ALAS2: variants seen among roughly 807,000 people sequenced by gnomAD.
The protein encoded by ALAS2 is 5-aminolevulinate synthase, erythroid-specific, mitochondrial.
Under a neutral mutation model 33.7 loss-of-function variants are expected in ALAS2, and 3 were observed. The ratio of observed to expected loss-of-function variants is 0.09; its 90% CI spans 0.04 to 0.23. The LOEUF is 0.23. Ranked by LOEUF, ALAS2 falls within the 10% of genes least tolerant of loss-of-function variation. The pLI is 1.00. For synonymous variants in ALAS2, 191 were observed against 177.3 expected, an observed-to-expected ratio of 1.08 and a Z score of -0.61; for missense variants, 304 against 475.1, an observed-to-expected ratio of 0.64 and a Z score of 3.35.
At position 55,024,858 on chromosome X, in the gene ALAS2, A is replaced by T. The variant is rs940558992; in HGVS notation, c.182-18T>A. ...TGGAGAATCTATGCAAAGGTAAGAGAGTAATTTGGGGTGCATTTCTAGTCA... is the reference window on the plus strand; with the variant it reads ...TGGAGAATCTATGCAAAGGTAAGAGTGTAATTTGGGGTGCATTTCTAGTCA... On this transcript the variant is annotated intron_variant, in intron 2 of 10. Transcript: ENST00000650242. The T allele has an allele frequency of 7.6e-5, 92 of 1,209,220 alleles. No homozygotes were observed. Among genetic ancestry groups the T allele is most frequent in the Non-Finnish European group, 9.8e-5 (88 of 894,693 alleles).
At chrX:55,025,483 AC>A (rs1231038687) in intron 2 of ALAS2, among the ~76,000 whole-genome samples, 2 of 110,565 alleles carry the variant, frequency 1.8e-5, no homozygotes, top group East Asian at 5.7e-4. Context: ...ACAGGCGCCC[AC>A]CACCACTCCT....
At chrX:55,024,214 T>C (rs1935853728) in intron 3 of ALAS2, among the ~76,000 whole-genome samples, 2 of 112,038 alleles carry the variant, frequency 1.8e-5, no homozygotes, top group South Asian at 7.5e-4. Flanking sequence ...AATTTCAATT[T>C]TGAAGTTTTT....
rs181285195 is a variant in ALAS2 at position 55,022,163 on chromosome X, G to A, written c.416-889C>T. Among the ~76,000 whole-genome samples the A allele has an allele frequency of 7.7e-4, 86 of 112,299 alleles. 1 individual carries two copies. Among genetic ancestry groups the A allele is most frequent in the Middle Eastern group, 4.6e-3 (1 of 219 alleles). ...TTGCCAAAGAGCTTGTTAAACTCTAGAACTCTTTACGTGAGACAGAAATCA... is the reference window on the plus strand; with the variant it reads ...TTGCCAAAGAGCTTGTTAAACTCTAAAACTCTTTACGTGAGACAGAAATCA... On this transcript the variant is annotated intron_variant, in intron 4 of 10. Coordinates refer to ENST00000650242, the MANE Select transcript of ALAS2 (RefSeq NM_000032.5).
intron 10 of ALAS2, 128 bp downstream of exon 10, chrX:55,013,358 G>A: frequency 1.4e-6 from 1 of 739,995 alleles, no homozygotes; most frequent in Non-Finnish European, 1.9e-6. Context: ...CCTAGTATAG[G>A]TGCTGGCACA....
At chrX:55,024,001 G>T (rs1935850302) in intron 3 of ALAS2, 134 bp from the exon 4 acceptor site, 4 of 520,602 alleles carry the variant, frequency 7.7e-6, no homozygotes, top group Non-Finnish European at 1.3e-5. Context: ...ACAGCGAGAA[G>T]AAATCTTCTC....
At chrX:55,012,100 A>G (rs17002406) in intron 10 of ALAS2, among the ~76,000 whole-genome samples, 6,121 of 111,687 alleles carry the variant, frequency 0.055, 364 homozygotes, top group African/African-American at 0.18. Flanking sequence ...TTTTGAATGA[A>G]TGAATGGCGC....
intron 5 of ALAS2, 60 bp from the exon 6 acceptor site, chrX:55,020,564 C>T: frequency 9.2e-7 from 1 of 1,083,282 alleles, no homozygotes; most frequent in South Asian, 2.0e-5. Context: ...CATCGAGGAA[C>T]TGGGTAGGTT....
chrX:55,013,602 G>A lies in ALAS2; in HGVS notation c.1484C>T (p.Ser495Phe). ...LNSKLCDLLL[S>F]KHGIYVQAIN... ...GGCCTGCACATAGATGCCATGCTTG[G>A]AGAGCAGGAGATCACAGAGCTTGCT... is the stretch of plus-strand genomic sequence containing the variant. Residue 495 changes from serine (S) to phenylalanine (F), a missense_variant, in exon 10 of 11, where the codon TCC becomes TTC. Transcript: ENST00000650242. 8.3e-7 allele frequency: 1 copy of A among 1,211,595 alleles called. No homozygotes were observed. The highest frequency in any genetic ancestry group is 1.1e-6 in the Non-Finnish European group (1 of 895,523).
intron 1 of ALAS2, chrX:55,027,833 T>C: frequency 8.4e-7 from 1 of 1,192,514 alleles, no homozygotes. Flanking sequence ...CCTGGGTTGG[T>C]ATGTGGGGCC....
At chrX:55,022,794 A>G (rs771979306) in intron 4 of ALAS2, among the ~76,000 whole-genome samples, 1 of 112,033 alleles carries the variant, frequency 8.9e-6, no homozygotes, top group African/African-American at 3.2e-5. Flanking sequence ...AATCTCTATT[A>G]TATCTATACT....
At chrX:55,029,362 C>T (rs1349102651) in intron 1 of ALAS2, among the ~76,000 whole-genome samples, 1 of 111,651 alleles carries the variant, frequency 9.0e-6, no homozygotes, top group Non-Finnish European at 1.9e-5. Context: ...TGTGCCAGGC[C>T]GTGTTCTCAT....
At chrX:55,017,807 T>G (rs950323373) in intron 6 of ALAS2, 142 bp from the exon 7 acceptor site, 3 of 622,640 alleles carry the variant, frequency 4.8e-6, no homozygotes, top group Non-Finnish European at 7.7e-6. Flanking sequence ...TGGGAACTTT[T>G]GTGACACTTC....
At chrX:55,029,228 A>G (rs931965476) in intron 1 of ALAS2, among the ~76,000 whole-genome samples, 3 of 111,439 alleles carry the variant, frequency 2.7e-5, no homozygotes, top group Admixed American at 9.5e-5. Context: ...TCCTGTTACA[A>G]TTTATTGTGT....
At chrX:55,028,946 C>G (rs1246023809) in intron 1 of ALAS2, among the ~76,000 whole-genome samples, 1 of 111,838 alleles carries the variant, frequency 8.9e-6, no homozygotes, top group African/African-American at 3.3e-5. Context: ...TGCTGTACAT[C>G]TTATATCTGG....
intron 6 of ALAS2, among the ~76,000 whole-genome samples, chrX:55,018,843 G>A (rs781638063): frequency 4.5e-5 from 5 of 111,066 alleles, no homozygotes; most frequent in Non-Finnish European, 9.4e-5. Flanking sequence ...ATAGATTATC[G>A]GAGGGCAAAG....
Position 55,010,581 on chromosome X carries a change from C to T in ALAS2, c.1601-1238G>A, listed in dbSNP as rs149323203. Among the ~76,000 whole-genome samples the T allele has an allele frequency of 9.2e-3, 1,019 of 111,214 alleles. 13 individuals are homozygous for T. The highest frequency in any genetic ancestry group is 0.044 in the East Asian group (155 of 3,506). On this transcript the variant is annotated intron_variant, in intron 10 of 10. Coordinates refer to ENST00000650242, the MANE Select transcript of ALAS2 (RefSeq NM_000032.5). ...TCTTCCCTGCCTTAGGATGTTCCCT[C>T]TGCCTGCGATGCCATTCCCTTAGAT...
Position 55,015,841 on chromosome X carries a change from A to G in ALAS2, c.1004-99T>C. ...ATACATGCCTACTTTGGGTTGGAAA[A>G]GGGTGTTGTAGAGAGGAAGGAGGAT... On this transcript the variant is annotated intron_variant, in intron 7 of 10. Coordinates refer to ENST00000650242, the MANE Select transcript of ALAS2 (RefSeq NM_000032.5). The G allele has an allele frequency of 3.1e-6, 3 of 962,895 alleles. No individual in the cohort carries two copies. The South Asian group carries it at 6.1e-5, about 20-fold the overall frequency. The allele number at this position is 962,895 out of a possible 1,213,427, so 79.4% of individuals were successfully genotyped here.
At chrX:55,030,894 C>A (rs1935987585) in intron 1 of ALAS2, 48 bp downstream of exon 1, 1 of 336,617 alleles carries the variant, frequency 3.0e-6, no homozygotes, top group Admixed American at 3.1e-5. Context: ...CCCTGAGAGA[C>A]CAGCTGGCAG....
At chrX:55,022,893 G>A (rs1031618518) in intron 4 of ALAS2, among the ~76,000 whole-genome samples, 6 of 111,078 alleles carry the variant, frequency 5.4e-5, no homozygotes, top group African/African-American at 2.0e-4. Flanking sequence ...AGTGAAAAAA[G>A]GGCACAGAGT....
Sources: allele counts gnomAD v4.1 joint callset (sites outside exome capture counted in the v4.1 genomes callset), GRCh38; gene constraint gnomAD v4.1.1; transcripts MANE v1.5; gene names NCBI Gene and HGNC (gene_info 2026-07-23, HGNC 2026-07-21).